Variants in RCL1 observed in about 807,000 individuals in gnomAD.
RCL1 encodes the protein RNA terminal phosphate cyclase like 1, also known as RNA 3'-terminal phosphate cyclase-like protein.
A neutral mutation model predicts 42.4 loss-of-function variants in RCL1; 24 were observed. That is an observed-to-expected ratio of 0.57 (90% CI 0.41 to 0.80). The LOEUF is 0.80. Among genes scored for constraint, RCL1 ranks in the 30% least tolerant of loss-of-function variants. The probability of loss-of-function intolerance (pLI) is 0.00; values close to 1 mark genes in which losing one functional copy is unlikely to be tolerated. For synonymous variants in RCL1, 228 were observed against 177.3 expected (o/e 1.29, Z -2.27); for missense variants, 578 against 467.9 (o/e 1.24, Z -2.17).
chr9:4,860,270 A>C lies in RCL1; in HGVS notation c.1117A>C (p.Lys373Gln). The C allele has an allele frequency of 6.2e-7, 1 of 1,612,724 alleles. No individual in the cohort carries two copies. The highest frequency in any genetic ancestry group is 8.5e-7 in the Non-Finnish European group (1 of 1,179,566). The part of the protein sequence containing the change: ...IGFSNLSKTL[K>Q] ...TTTCTCCAACCTTAGCAAGACCCTC[A>C]AGTGATAACCATCACAAGATAAGGC... The change falls in exon 9 of 9, where the codon AAG (lysine) becomes CAG (glutamine). Residue 373 changes from lysine to glutamine, a missense_variant. By Grantham distance (53) the Lys-to-Gln change is moderately conservative. Coordinates refer to ENST00000381750, the MANE Select transcript of RCL1 (RefSeq NM_005772.5).
At chr9:4,821,511 C>T (rs1262804862) in intron 1 of RCL1, among the ~76,000 whole-genome samples, 1 of 152,176 alleles carries the variant, frequency 6.6e-6, no homozygotes, top group Non-Finnish European at 1.5e-5. Flanking sequence ...AGAAATTTAT[C>T]ACAGTTCTGG....
At chr9:4,802,838 T>C (rs1456493252) in intron 1 of RCL1, among the ~76,000 whole-genome samples, 4 of 152,198 alleles carry the variant, frequency 2.6e-5, no homozygotes, top group African/African-American at 9.6e-5. Flanking sequence ...TTTGTTTTTT[T>C]AAGACAGGGT....
intron 8 of RCL1, chr9:4,850,288 T>C (rs192306656): frequency 1.9e-6 from 1 of 533,348 alleles, no homozygotes; most frequent in Non-Finnish European, 3.9e-6. Context: ...CAGGTAGATA[T>C]GAGACTGAAC....
chr9:4,819,793 G>C (rs1396672395), intron 1 of RCL1, among the ~76,000 whole-genome samples: 1 of 152,168 alleles, frequency 6.6e-6, no homozygotes, highest in Non-Finnish European at 1.5e-5. Flanking sequence ...GTGACAGAGC[G>C]AGACTCCGTC....
chr9:4,853,196 A>G (rs1178316731), intron 8 of RCL1, among the ~76,000 whole-genome samples: 1 of 152,046 alleles, frequency 6.6e-6, no homozygotes, highest in Non-Finnish European at 1.5e-5. Flanking sequence ...TATCATGTGC[A>G]CCGTCTTACA....
Position 4,854,055 on chromosome 9 carries a change from C to T in RCL1, c.971+4505C>T, listed in dbSNP as rs201992539. ...ACCACTATGTCTTAGTTTTGTGAAG[C>T]GTTTAAATTCTGTAAAGCCCTGTCA... On this transcript the variant is annotated intron_variant, in intron 8 of 8. Coordinates refer to ENST00000381750, the MANE Select transcript of RCL1 (RefSeq NM_005772.5). Among the ~76,000 whole-genome samples, 128 of 152,208 alleles carry T rather than the reference C, an allele frequency of 8.4e-4. 1 individual carries two copies. The highest frequency in any genetic ancestry group is 2.8e-3 in the African/African-American group (118 of 41,518).
At position 4,845,991 on chromosome 9, in the gene RCL1, GC is replaced by G. The variant is rs1251302292; in HGVS notation, c.867+1311del. On this transcript the variant is annotated intron_variant, in intron 7 of 8. Coordinates refer to ENST00000381750, the MANE Select transcript of RCL1 (RefSeq NM_005772.5). ...TAAAATCAGTAAAACAGGTAAAGTG[GC>G]AATTTAGTTTTTCTTTTAATTCTTC... 3.9e-5 allele frequency among the ~76,000 whole-genome samples: 6 copies of G among 152,264 alleles called. No homozygotes were observed. In the East Asian group the frequency reaches 1.2e-3, roughly 29 times the overall value.
intron 5 of RCL1, among the ~76,000 whole-genome samples, chr9:4,834,749 T>C (rs2131015405): frequency 6.6e-6 from 1 of 152,314 alleles, no homozygotes; most frequent in South Asian, 2.1e-4. Context: ...ATGAATGATA[T>C]CTACTATTAA....
chr9:4,813,976 G>A (rs1175082628), intron 1 of RCL1, among the ~76,000 whole-genome samples: 1 of 152,074 alleles, frequency 6.6e-6, no homozygotes, highest in African/African-American at 2.4e-5. Context: ...CTCATAGGTG[G>A]GAATTGAACA....
chr9:4,844,458 C>T (rs932881516), intron 6 of RCL1, 67 bp from the exon 7 acceptor site: 22 of 1,219,994 alleles, frequency 1.8e-5, no homozygotes, highest in Middle Eastern at 2.0e-4. Context: ...CTTCTCTTTC[C>T]GTTTGCTGGT....
intron 1 of RCL1, among the ~76,000 whole-genome samples, chr9:4,819,729 C>A (rs1197901364): frequency 6.6e-6 from 1 of 152,202 alleles, no homozygotes; most frequent in Non-Finnish European, 1.5e-5. Flanking sequence ...ATCGCTTGAA[C>A]CCGGGAGGCG....
At chr9:4,797,616 A>G (rs1195245460) in intron 1 of RCL1, among the ~76,000 whole-genome samples, 1 of 152,212 alleles carries the variant, frequency 6.6e-6, no homozygotes, top group Non-Finnish European at 1.5e-5. Context: ...CTCCCACAAC[A>G]AAGAATTATC....
intron 1 of RCL1, among the ~76,000 whole-genome samples, chr9:4,819,462 T>C (rs998771043): frequency 6.6e-6 from 1 of 152,266 alleles, no homozygotes. Flanking sequence ...TGTACATATA[T>C]GTACACTTGT....
intron 1 of RCL1, among the ~76,000 whole-genome samples, chr9:4,819,045 T>G (rs1816493485): frequency 6.6e-6 from 1 of 152,242 alleles, no homozygotes; most frequent in African/African-American, 2.4e-5. Flanking sequence ...ATTTAAATCA[T>G]GTTGGAATAT....
rs1818142512 is a variant in RCL1 at position 4,860,649 on chromosome 9, C to T, written c.*374C>T. ...TCTGTCATATGGCTGTTTTGCAAAC[C>T]TGTGGAGTCTGTTACTGTTCTTTCT... is the stretch of plus-strand genomic sequence containing the variant. On this transcript the variant is annotated 3_prime_UTR_variant, in exon 9 of 9. Transcript: ENST00000381750. The T allele has an allele frequency of 5.4e-6, 1 of 184,006 alleles. No individual in the cohort carries two copies. The highest frequency in any genetic ancestry group is 1.1e-5 in the Non-Finnish European group (1 of 90,004). The allele number at this position is 184,006 out of a possible 1,614,324, so 11.4% of individuals were successfully genotyped here. A position where few individuals can be genotyped will look rare whatever the true frequency, so the allele number is the denominator to read the frequency against.
chr9:4,857,703 G>A (rs530608063), intron 8 of RCL1, among the ~76,000 whole-genome samples: 2 of 152,234 alleles, frequency 1.3e-5, no homozygotes, highest in South Asian at 2.1e-4. Context: ...TTTCCACAGC[G>A]GCTGTACCGT....
intron 1 of RCL1, among the ~76,000 whole-genome samples, chr9:4,800,974 C>G (rs1390974109): frequency 6.6e-6 from 1 of 152,098 alleles, no homozygotes; most frequent in Non-Finnish European, 1.5e-5. Context: ...TTTTATATTC[C>G]TATCTGTAGT....
intron 3 of RCL1, among the ~76,000 whole-genome samples, chr9:4,830,389 G>T (rs1482825020): frequency 6.6e-6 from 1 of 152,184 alleles, no homozygotes; most frequent in East Asian, 1.9e-4. Context: ...GAGGGTCCTT[G>T]CCGAAGTCCA....
intron 3 of RCL1, among the ~76,000 whole-genome samples, chr9:4,827,741 TGTGTGTGTGTGTGTGCACGC>T (rs1563842799): frequency 8.5e-6 from 1 of 117,820 alleles, no homozygotes; most frequent in Non-Finnish European, 1.8e-5. Flanking sequence ...AGTGTGTGTG[TGTGTGTGTGTGTGTGCACGC>T]GTGTGTGTGT....
Sources: allele counts gnomAD v4.1 joint callset (sites outside exome capture counted in the v4.1 genomes callset), GRCh38; gene constraint gnomAD v4.1.1; transcripts MANE v1.5; gene names NCBI Gene and HGNC (gene_info 2026-07-23, HGNC 2026-07-21).